Variants in FAR2 observed in about 807,000 individuals in gnomAD.
FAR2 encodes the protein fatty acyl-CoA reductase 2.
In FAR2, 19 loss-of-function variants were observed where a neutral mutation model predicts 56.0. The ratio of observed to expected loss-of-function variants is 0.34; its 90% CI spans 0.24 to 0.50. The LOEUF is 0.50. Ranked by LOEUF, FAR2 falls within the 20% of genes least tolerant of loss-of-function variation. FAR2 has a pLI of 0.98. For synonymous variants in FAR2, 219 were observed against 218.8 expected (o/e 1.00, Z -0.01); for missense variants, 508 against 642.2 (o/e 0.79, Z 2.26).
rs148949875 is a variant in FAR2 at position 29,214,608 on chromosome 12, G to A, written c.-38-55804G>A. Among the ~76,000 whole-genome samples, 552 of 152,172 alleles carry A rather than the reference G, an allele frequency of 3.6e-3. 2 individuals are homozygous for A. The highest frequency in any genetic ancestry group is 6.0e-3 in the Admixed American group (91 of 15,294). On this transcript the variant is annotated intron_variant, in intron 1 of 11. Transcript: ENST00000536681. Reference sequence around the variant, plus strand: ...AGACTGAGGTGGGTGGATCATCTGAGGTCAGGAGTTCGAGACCAGCCTGAC... The same window carrying A: ...AGACTGAGGTGGGTGGATCATCTGAAGTCAGGAGTTCGAGACCAGCCTGAC...
At chr12:29,176,165 A>T (rs553374988) in intron 1 of FAR2, among the ~76,000 whole-genome samples, 1 of 152,360 alleles carries the variant, frequency 6.6e-6, no homozygotes, top group African/African-American at 2.4e-5. Context: ...TGCTCCCCAG[A>T]TTCCTCATAT....
At chr12:29,195,694 A>T (rs1950138127) in intron 1 of FAR2, among the ~76,000 whole-genome samples, 1 of 152,120 alleles carries the variant, frequency 6.6e-6, no homozygotes, top group Non-Finnish European at 1.5e-5. Context: ...AAAACTGTTT[A>T]TTTTTTATTG....
intron 6 of FAR2, 94 bp downstream of exon 6, chr12:29,309,324 C>T: frequency 1.1e-6 from 1 of 886,040 alleles, no homozygotes; most frequent in Non-Finnish European, 1.8e-6. Flanking sequence ...GATCCAAAAA[C>T]ATAAATGTTA....
At chr12:29,166,848 C>T (rs1949835005) in intron 1 of FAR2, among the ~76,000 whole-genome samples, 1 of 152,188 alleles carries the variant, frequency 6.6e-6, no homozygotes, top group Non-Finnish European at 1.5e-5. Flanking sequence ...AGCTATGGTT[C>T]CAGTTCAGCA....
chr12:29,230,798 C>G (rs1947846848), intron 1 of FAR2, among the ~76,000 whole-genome samples: 1 of 152,030 alleles, frequency 6.6e-6, no homozygotes, highest in African/African-American at 2.4e-5. Context: ...TAGAATAGAG[C>G]CTTACTCACT....
In FAR2 at chr12:29,259,358, T is replaced by A. The variant is rs1591901845; in HGVS notation, c.-38-11054T>A. On this transcript the variant is annotated intron_variant, in intron 1 of 11. Transcript: ENST00000536681. ...GCCCAAAATGTCAATAGTGCCAAGATAAAAAATCCTTGGTCAAGAGTAACA... is the reference window on the plus strand; with the variant it reads ...GCCCAAAATGTCAATAGTGCCAAGAAAAAAAATCCTTGGTCAAGAGTAACA... Among the ~76,000 whole-genome samples the A allele has an allele frequency of 4.6e-5, 7 of 152,294 alleles. 1 individual carries two copies. Among genetic ancestry groups the A allele is most frequent in the African/African-American group, 1.7e-4 (7 of 41,578 alleles).
chr12:29,222,385 G>A (rs143373263), intron 1 of FAR2, among the ~76,000 whole-genome samples: 2 of 152,228 alleles, frequency 1.3e-5, no homozygotes, highest in East Asian at 1.9e-4. Context: ...TATTGCAATA[G>A]GGGTCAAGAC....
chr12:29,197,353 G>A (rs868652676), intron 1 of FAR2, among the ~76,000 whole-genome samples: 7 of 152,168 alleles, frequency 4.6e-5, no homozygotes, highest in Non-Finnish European at 1.0e-4. Context: ...ACAGGAATAT[G>A]TTGAGAATTA....
Position 29,270,529 on chromosome 12 carries a change from T to C in FAR2, c.80T>C (p.Met27Thr), listed in dbSNP as rs780717420. ...GATGFLGKVL[M>T]EKLFRTSPDL... Reference sequence around the variant, plus strand: ...ACAGGCTTTCTGGGCAAAGTGCTGATGGAGAAGCTGTTTCGCACCAGCCCA... The same window carrying C: ...ACAGGCTTTCTGGGCAAAGTGCTGACGGAGAAGCTGTTTCGCACCAGCCCA... The change falls in exon 2 of 12, where the codon ATG becomes ACG. Residue 27 changes from methionine to threonine, a missense_variant. By Grantham distance (81) the Met-to-Thr change is moderately conservative (BLOSUM62 -1). Coordinates refer to ENST00000536681, the MANE Select transcript of FAR2 (RefSeq NM_001271783.2). 1 of 1,613,886 alleles carries C rather than the reference T, an allele frequency of 6.2e-7. No individual in the cohort carries two copies. The highest frequency in any genetic ancestry group is 2.2e-5 in the East Asian group (1 of 44,874).
intron 1 of FAR2, among the ~76,000 whole-genome samples, chr12:29,173,705 T>C (rs1949909464): frequency 6.6e-6 from 1 of 152,072 alleles, no homozygotes; most frequent in South Asian, 2.1e-4. Context: ...CCTGAGTGTT[T>C]CCCACCTGAA....
chr12:29,256,700 C>G (rs1948323048), intron 1 of FAR2, among the ~76,000 whole-genome samples: 1 of 152,198 alleles, frequency 6.6e-6, no homozygotes, highest in African/African-American at 2.4e-5. Context: ...AGCTGGAGTT[C>G]CGGGTGGGCG....
intron 1 of FAR2, among the ~76,000 whole-genome samples, chr12:29,179,787 T>G (rs1949975428): frequency 6.6e-6 from 1 of 152,164 alleles, no homozygotes; most frequent in African/African-American, 2.4e-5. Flanking sequence ...AGTAATCAGT[T>G]GTAAGCTGTG....
intron 1 of FAR2, among the ~76,000 whole-genome samples, chr12:29,264,555 G>T (rs368879463): frequency 6.6e-6 from 1 of 151,700 alleles, no homozygotes; most frequent in Non-Finnish European, 1.5e-5. Context: ...TGGGAGCATT[G>T]CTTGACCTCA....
At chr12:29,328,282 T>C (rs943517119) in intron 10 of FAR2, among the ~76,000 whole-genome samples, 1 of 152,080 alleles carries the variant, frequency 6.6e-6, no homozygotes, top group Admixed American at 6.6e-5. Context: ...TGTGGAGAAA[T>C]AGGAACACTT....
intron 1 of FAR2, among the ~76,000 whole-genome samples, chr12:29,153,814 GC>G (rs1296455349): frequency 6.6e-6 from 1 of 152,094 alleles, no homozygotes; most frequent in Non-Finnish European, 1.5e-5. Context: ...GGTGGGAGAG[GC>G]AGAAAGAAGA....
chr12:29,314,846 T>C (rs1312551336), intron 8 of FAR2, among the ~76,000 whole-genome samples: 2 of 152,204 alleles, frequency 1.3e-5, no homozygotes, highest in East Asian at 3.8e-4. Context: ...AAATGCTAAA[T>C]AAATGTATTT....
chr12:29,297,071 C>G lies in FAR2; in HGVS notation c.416C>G (p.Ala139Gly), dbSNP rs1180670899. ...VTATRQLLLM[A>G]SQMPKLEAFI... ...GCCACCCGGCAGCTCTTGCTTATGGCTAGTCAGATGCCAAAGCTGGAAGCC... is the reference window on the plus strand; with the variant it reads ...GCCACCCGGCAGCTCTTGCTTATGGGTAGTCAGATGCCAAAGCTGGAAGCC... Residue 139 changes from alanine (A) to glycine (G), a missense_variant, in exon 4 of 12, where the codon GCT becomes GGT. Ala to Gly is a moderately conservative substitution (Grantham distance 60). Coordinates refer to ENST00000536681, the MANE Select transcript of FAR2 (RefSeq NM_001271783.2). 6 of 1,613,056 alleles carry G rather than the reference C, an allele frequency of 3.7e-6. No individual in the cohort carries two copies. Among genetic ancestry groups the G allele is most frequent in the Non-Finnish European group, 5.1e-6 (6 of 1,179,494 alleles).
At chr12:29,160,076 A>G (rs1328766243) in intron 1 of FAR2, among the ~76,000 whole-genome samples, 3 of 152,216 alleles carry the variant, frequency 2.0e-5, no homozygotes, top group Non-Finnish European at 2.9e-5. Flanking sequence ...GAGGATTTCT[A>G]GCTTTCAACA....
chr12:29,172,929 G>T (rs1428200489), intron 1 of FAR2, among the ~76,000 whole-genome samples: 2 of 152,154 alleles, frequency 1.3e-5, no homozygotes, highest in East Asian at 3.9e-4. Flanking sequence ...ACTGGGGATG[G>T]CTTGCTGACT....
Sources: gnomAD v4.1 joint callset for allele counts (sites outside exome capture counted in the v4.1 genomes callset) on GRCh38, gnomAD v4.1.1 for gene constraint, MANE v1.5 for transcripts, NCBI Gene and HGNC (gene_info 2026-07-23, HGNC 2026-07-21) for gene names.